Variants in CLNK observed in about 807,000 individuals in gnomAD.
The protein encoded by CLNK is cytokine dependent hematopoietic cell linker.
In CLNK, 74 loss-of-function variants were observed where a neutral mutation model predicts 68.6. That is an observed-to-expected ratio of 1.08 (90% CI 0.89 to 1.31). CLNK has a LOEUF of 1.31. Among genes scored for constraint, CLNK ranks in the 50% most tolerant of loss-of-function variants. CLNK has a pLI of 0.00. For missense variants in CLNK, 553 were observed against 515.3 expected, an observed-to-expected ratio of 1.07 and a Z score of -0.71; for synonymous variants, 198 against 172.2, an observed-to-expected ratio of 1.15 and a Z score of -1.17.
At chr4:10,719,235 T>G in the CLNK span, among the ~76,000 whole-genome samples, 1 of 152,082 alleles carries the variant, frequency 6.6e-6, no homozygotes, top group African/African-American at 2.4e-5. Context: ...CTAAATACAC[T>G]AATTAAAAGA....
At chr4:10,544,126 G>A (rs1208734511) in intron 8 of CLNK, among the ~76,000 whole-genome samples, 1 of 152,188 alleles carries the variant, frequency 6.6e-6, no homozygotes, top group African/African-American at 2.4e-5. Flanking sequence ...GGCTTTCCAA[G>A]AGGTCTTTTT....
chr4:10,548,688 T>A (rs1719331895), intron 8 of CLNK, among the ~76,000 whole-genome samples: 1 of 152,232 alleles, frequency 6.6e-6, no homozygotes, highest in South Asian at 2.1e-4. Flanking sequence ...TTGCATGGTG[T>A]GAGGAACGTG....
chr4:10,575,996 C>T (rs1263744841), intron 4 of CLNK, among the ~76,000 whole-genome samples: 2 of 152,214 alleles, frequency 1.3e-5, no homozygotes, highest in South Asian at 2.1e-4. Flanking sequence ...TGCCTCCCCC[C>T]AGGCAGTGGC....
At chr4:10,501,462 C>T (rs1253220098) in intron 17 of CLNK, 51 bp from the exon 18 acceptor site, 1 of 1,557,694 alleles carries the variant, frequency 6.4e-7, no homozygotes, top group Non-Finnish European at 8.7e-7. Flanking sequence ...AGCATTCTGC[C>T]CTTGTAATGG....
chr4:10,541,048 T>C (rs755054487), intron 10 of CLNK, among the ~76,000 whole-genome samples: 1 of 151,890 alleles, frequency 6.6e-6, no homozygotes, highest in Non-Finnish European at 1.5e-5. Context: ...ACCCCGTTTC[T>C]ACTAAAAATA....
At chr4:10,622,442 A>C (rs971250002) in intron 2 of CLNK, among the ~76,000 whole-genome samples, 2 of 152,252 alleles carry the variant, frequency 1.3e-5, no homozygotes, top group African/African-American at 4.8e-5. Flanking sequence ...ACGGGATGTG[A>C]CAGGCTACAA....
intron 2 of CLNK, among the ~76,000 whole-genome samples, chr4:10,665,842 C>T (rs1724376307): frequency 6.6e-6 from 1 of 152,098 alleles, no homozygotes; most frequent in African/African-American, 2.4e-5. Flanking sequence ...TGAATGGTGG[C>T]CCTACAACAT....
chr4:10,629,132 T>C (rs1247524141), intron 2 of CLNK, among the ~76,000 whole-genome samples: 1 of 152,204 alleles, frequency 6.6e-6, no homozygotes, highest in East Asian at 1.9e-4. Flanking sequence ...AGATGGTTTA[T>C]AAACTTCTGC....
chr4:10,597,914 C>T, intron 3 of CLNK, 64 bp downstream of exon 3: 3 of 1,130,908 alleles, frequency 2.7e-6, no homozygotes, highest in Non-Finnish European at 2.6e-6. Context: ...TTGTGATGGT[C>T]AGCTTATTTG....
chr4:10,689,137 C>CT (rs1182260603), upstream of CLNK, among the ~76,000 whole-genome samples: 127 of 146,572 alleles, frequency 8.7e-4, no homozygotes, highest in African/African-American at 2.0e-3. Flanking sequence ...TTCTTTCTTT[C>CT]TTTTTTTTTT....
chr4:10,667,338 A>G (rs1724436966), intron 2 of CLNK, among the ~76,000 whole-genome samples: 1 of 150,988 alleles, frequency 6.6e-6, no homozygotes, highest in African/African-American at 2.4e-5. Flanking sequence ...TTTTTTTTTC[A>G]CTATAAATAT....
At chr4:10,613,359 A>T (rs2041213) in intron 2 of CLNK, among the ~76,000 whole-genome samples, 1 of 151,910 alleles carries the variant, frequency 6.6e-6, no homozygotes, top group African/African-American at 2.4e-5. Context: ...GGGATAACTG[A>T]AGGAAAAGTT....
the CLNK span, among the ~76,000 whole-genome samples, chr4:10,698,302 G>T: frequency 6.6e-6 from 1 of 152,040 alleles, no homozygotes. Flanking sequence ...TTATAAACAT[G>T]GTTAAGTTTA....
chr4:10,549,990 T>A (rs1266855323), intron 8 of CLNK, among the ~76,000 whole-genome samples: 1 of 152,196 alleles, frequency 6.6e-6, no homozygotes, highest in African/African-American at 2.4e-5. Context: ...TGGACCTTGG[T>A]TTGACTGTTT....
At chr4:10,655,037 C>A (rs373514425) in intron 2 of CLNK, among the ~76,000 whole-genome samples, 1 of 138,214 alleles carries the variant, frequency 7.2e-6, no homozygotes, top group Admixed American at 8.2e-5. Flanking sequence ...GGAGGCTGAT[C>A]TTGCAGTGAG....
chr4:10,531,687 C>T (rs571401771), intron 12 of CLNK: 94 of 455,536 alleles, frequency 2.1e-4, no homozygotes, highest in African/African-American at 1.8e-3. Flanking sequence ...GTGATCCGCC[C>T]ACCTCGGCCT....
chr4:10,731,674 T>A, the CLNK span, among the ~76,000 whole-genome samples: 1 of 152,188 alleles, frequency 6.6e-6, no homozygotes, highest in Non-Finnish European at 1.5e-5. Flanking sequence ...TTCTTATGAG[T>A]GTGGCATCCT....
At chr4:10,697,098 A>G in the CLNK span, 3 of 152,150 alleles carry the variant, frequency 2.0e-5, no homozygotes, top group African/African-American at 7.2e-5. Context: ...GTCACCCCTC[A>G]ACCTTTCTAC....
chr4:10,657,327 G>A (rs888731018), intron 2 of CLNK, among the ~76,000 whole-genome samples: 1 of 152,190 alleles, frequency 6.6e-6, no homozygotes, highest in African/African-American at 2.4e-5. Context: ...TAGGGGTGAG[G>A]AGTTGTGAAC....
Sources: allele counts gnomAD v4.1 joint callset (sites outside exome capture counted in the v4.1 genomes callset), GRCh38; gene constraint gnomAD v4.1.1; transcripts MANE v1.5; gene names NCBI Gene and HGNC (gene_info 2026-07-23, HGNC 2026-07-21).